Variants in LMBR1 observed in about 807,000 individuals in gnomAD.
LMBR1 encodes limb region 1 protein homolog.
In LMBR1, 52 loss-of-function variants were observed where a neutral mutation model predicts 73.9. The observed-to-expected ratio is 0.70, with a 90% CI of 0.56 to 0.89. LMBR1 has a LOEUF of 0.89. LMBR1 is among the 40% of genes least tolerant of loss of function. LMBR1 has a pLI of 0.00. For missense variants in LMBR1, 539 were observed against 579.8 expected, an observed-to-expected ratio of 0.93 and a Z score of 0.72; for synonymous variants, 215 against 209.4, an observed-to-expected ratio of 1.03 and a Z score of -0.23.
At chr7:156,789,202 C>T (rs1014460105) in intron 5 of LMBR1, among the ~76,000 whole-genome samples, 23 of 151,898 alleles carry the variant, frequency 1.5e-4, no homozygotes, top group African/African-American at 4.8e-4. Context: ...TTATTTTTTC[C>T]GTTTTTGCCT....
intron 1 of LMBR1, among the ~76,000 whole-genome samples, chr7:156,843,731 G>A (rs1224396769): frequency 1.3e-5 from 2 of 151,540 alleles, no homozygotes; most frequent in Non-Finnish European, 2.9e-5. Context: ...AGCTACTCAG[G>A]AGGCTGAGGC....
rs563929855 is a variant in LMBR1, at chr7:156,765,617, CTCTT to C, written c.424-1826_424-1823del. Reference sequence around the variant, plus strand: ...TTTCTTCCTCCTCCCCTCCTTTTCTCTCTTTCTAAAATCCTTTTTATTACACACT... The same window carrying C: ...TTTCTTCCTCCTCCCCTCCTTTTCTCTCTAAAATCCTTTTTATTACACACT... On this transcript the variant is annotated intron_variant, in intron 5 of 16. Coordinates refer to ENST00000353442, the MANE Select transcript of LMBR1 (RefSeq NM_022458.4). 1.8e-4 allele frequency among the ~76,000 whole-genome samples: 27 copies of C among 152,334 alleles called. No homozygotes were observed. In the South Asian group the frequency reaches 5.6e-3, roughly 32 times the overall value.
chr7:156,716,872 G>A (rs947032892), intron 15 of LMBR1, among the ~76,000 whole-genome samples: 5 of 152,096 alleles, frequency 3.3e-5, no homozygotes, highest in South Asian at 2.1e-4. Context: ...TAATCCCAAC[G>A]CTTTGGGAGG....
At chr7:156,877,499 C>G (rs1800351073) in intron 1 of LMBR1, among the ~76,000 whole-genome samples, 3 of 152,242 alleles carry the variant, frequency 2.0e-5, no homozygotes, top group South Asian at 4.1e-4. Context: ...AAATCCTTAA[C>G]AAAATACTAG....
At chr7:156,850,660 T>C (rs1796109511) in intron 1 of LMBR1, among the ~76,000 whole-genome samples, 3 of 151,914 alleles carry the variant, frequency 2.0e-5, no homozygotes, top group African/African-American at 7.3e-5. Context: ...CTCTGTTTCA[T>C]TAAAAACACA....
intron 14 of LMBR1, 128 bp downstream of exon 14, chr7:156,725,306 GT>G: frequency 1.7e-6 from 1 of 595,032 alleles, no homozygotes; most frequent in South Asian, 2.7e-5. Flanking sequence ...AAATCTTCCA[GT>G]TTGTGTTTAC....
chr7:156,700,404 AG>A (rs58820954), intron 15 of LMBR1, among the ~76,000 whole-genome samples: 108,021 of 151,000 alleles, frequency 0.72, 39,030 homozygotes, highest in African/African-American at 0.83. Context: ...GGGTGGGAGG[AG>A]GGGGGGAGGG....
chr7:156,887,967 A>G (rs1363722565), intron 1 of LMBR1, among the ~76,000 whole-genome samples: 1 of 152,198 alleles, frequency 6.6e-6, no homozygotes, highest in East Asian at 1.9e-4. Flanking sequence ...ATCAGATACC[A>G]TTTCACATCC....
At chr7:156,689,563 G>A (rs1806724167) in intron 15 of LMBR1, among the ~76,000 whole-genome samples, 1 of 152,146 alleles carries the variant, frequency 6.6e-6, no homozygotes, top group Non-Finnish European at 1.5e-5. Flanking sequence ...CATAAAAACA[G>A]GAGATCTCAA....
intron 4 of LMBR1, among the ~76,000 whole-genome samples, chr7:156,817,995 A>G (rs1834195656): frequency 6.6e-6 from 1 of 152,196 alleles, no homozygotes; most frequent in Admixed American, 6.5e-5. Flanking sequence ...AATGTTATAA[A>G]CAATACCTCA....
At position 156,839,176 on chromosome 7, in the gene LMBR1, A is replaced by C. The variant is rs538890208; in HGVS notation, c.67-2291T>G. On this transcript the variant is annotated intron_variant, in intron 1 of 16. Transcript: ENST00000353442. ...GTGATTCTCCTGCCTCAGCCTCCCA[A>C]GTGGCTGGGACTACAGGCTCACACC... Among the ~76,000 whole-genome samples, 25 of 151,060 alleles carry C rather than the reference A, an allele frequency of 1.7e-4. No homozygotes were observed. In the South Asian group the frequency reaches 5.1e-3, roughly 31 times the overall value.
chr7:156,803,082 T>C (rs368137001), intron 4 of LMBR1, among the ~76,000 whole-genome samples: 4,832 of 152,180 alleles, frequency 0.032, 125 homozygotes, highest in South Asian at 0.084. Flanking sequence ...ATTCAGGACA[T>C]AGGCATGGGC....
chr7:156,701,797 A>G (rs191873028), intron 15 of LMBR1, among the ~76,000 whole-genome samples: 41 of 152,164 alleles, frequency 2.7e-4, no homozygotes, highest in Admixed American at 5.2e-4. Context: ...CCCCCGACCA[A>G]GGCCCAGTGT....
chr7:156,687,722 A>G (rs903893986), intron 16 of LMBR1, among the ~76,000 whole-genome samples: 3 of 152,194 alleles, frequency 2.0e-5, no homozygotes, highest in Admixed American at 2.0e-4. Flanking sequence ...CATGACCACC[A>G]TCGTCATAAT....
rs1269480700 is a variant in LMBR1, at chr7:156,763,941, T to C, written c.424-146A>G. 6 of 535,198 alleles carry C rather than the reference T, an allele frequency of 1.1e-5. 1 individual carries two copies. The highest frequency in any genetic ancestry group is 1.0e-4 in the East Asian group (3 of 29,380). The allele number at this position is 535,198 out of a possible 1,614,324, so 33.2% of individuals were successfully genotyped here. ...AAAGGAAAAAAACACTAGGTACTTA[T>C]GGTTTACAATGTTTAGACTGACTTT... On this transcript the variant is annotated intron_variant, in intron 5 of 16. Coordinates refer to ENST00000353442, the MANE Select transcript of LMBR1 (RefSeq NM_022458.4).
intron 9 of LMBR1, among the ~76,000 whole-genome samples, chr7:156,737,484 A>G (rs1214095299): frequency 2.0e-5 from 3 of 151,976 alleles, no homozygotes; most frequent in African/African-American, 7.3e-5. Context: ...GATCTGGGAA[A>G]TCTTCATTTT....
chr7:156,733,798 T>C (rs1817321003), intron 10 of LMBR1: 1 of 155,398 alleles, frequency 6.4e-6, no homozygotes, highest in African/African-American at 2.4e-5. Context: ...AGAAAACTAC[T>C]CTGAGGCGTA....
intron 3 of LMBR1, among the ~76,000 whole-genome samples, chr7:156,827,922 CA>C (rs1835981182): frequency 6.6e-6 from 1 of 152,144 alleles, no homozygotes; most frequent in Non-Finnish European, 1.5e-5. Flanking sequence ...ATATCAGATA[CA>C]GAATTTCTGT....
At chr7:156,676,020 G>C (rs1204446202), downstream of LMBR1, among the ~76,000 whole-genome samples, 1 of 151,704 alleles carries the variant, frequency 6.6e-6, no homozygotes, top group Non-Finnish European at 1.5e-5. Context: ...TGGCATGTCG[G>C]GGGAGGTCGA....
Sources: gnomAD v4.1 joint callset for allele counts (sites outside exome capture counted in the v4.1 genomes callset) on GRCh38, gnomAD v4.1.1 for gene constraint, MANE v1.5 for transcripts, NCBI Gene and HGNC (gene_info 2026-07-23, HGNC 2026-07-21) for gene names.